Variants in ATRNL1 observed in about 807,000 individuals in gnomAD.
ATRNL1 encodes the protein attractin like 1.
In ATRNL1, 95 loss-of-function variants were observed where a neutral mutation model predicts 182.7. The observed-to-expected ratio is 0.52, with a 90% CI of 0.44 to 0.62. ATRNL1 has a LOEUF of 0.62. Ranked by LOEUF, ATRNL1 falls within the 20% of genes least tolerant of loss-of-function variation. The pLI is 0.00. For missense variants in ATRNL1, 1,471 were observed against 1,679.5 expected, an observed-to-expected ratio of 0.88 and a Z score of 2.17; for synonymous variants, 576 against 568.3, an observed-to-expected ratio of 1.01 and a Z score of -0.19.
intron 18 of ATRNL1, among the ~76,000 whole-genome samples, chr10:115,318,813 C>T (rs1854437637): frequency 6.6e-6 from 1 of 151,630 alleles, no homozygotes; most frequent in African/African-American, 2.4e-5. Context: ...CTAGCATTCT[C>T]TCTATTTTCT....
At chr10:115,500,667 G>A (rs1471854044) in intron 24 of ATRNL1, among the ~76,000 whole-genome samples, 1 of 151,062 alleles carries the variant, frequency 6.6e-6, no homozygotes, top group Admixed American at 6.6e-5. Context: ...CCAGCCTCCT[G>A]AGTAGCTGGG....
intron 8 of ATRNL1, among the ~76,000 whole-genome samples, chr10:115,196,252 A>G (rs1276442661): frequency 2.6e-5 from 4 of 152,102 alleles, no homozygotes; most frequent in African/African-American, 7.2e-5. Context: ...AGAAAAATCA[A>G]TTGGCCATAT....
At chr10:115,448,195 A>G (rs2134472175) in intron 21 of ATRNL1, among the ~76,000 whole-genome samples, 1 of 152,230 alleles carries the variant, frequency 6.6e-6, no homozygotes, top group East Asian at 1.9e-4. Flanking sequence ...CTCATAGTCT[A>G]TGACTTGGCT....
At chr10:115,519,059 G>A (rs11197261) in intron 24 of ATRNL1, among the ~76,000 whole-genome samples, 51,081 of 151,516 alleles carry the variant, frequency 0.34, 10,128 homozygotes, top group Middle Eastern at 0.46. Context: ...ATTTAATGTC[G>A]TATTCTACAC....
intron 19 of ATRNL1, among the ~76,000 whole-genome samples, chr10:115,362,782 G>C (rs552814523): frequency 6.6e-6 from 1 of 151,256 alleles, no homozygotes; most frequent in Non-Finnish European, 1.5e-5. Flanking sequence ...TTGGTTTTTT[G>C]TTCTTGCGAT....
At chr10:115,770,316 T>A (rs1948958028) in intron 27 of ATRNL1, among the ~76,000 whole-genome samples, 1 of 152,076 alleles carries the variant, frequency 6.6e-6, no homozygotes, top group Non-Finnish European at 1.5e-5. Flanking sequence ...AAAAATGGCA[T>A]ACTAAGCAAT....
At position 115,147,271 on chromosome 10, in the gene ATRNL1, C is replaced by G. The variant is rs377754799; in HGVS notation, c.830-12769C>G. On this transcript the variant is annotated intron_variant, in intron 5 of 28. Transcript: ENST00000355044. ...TACCTGTTGGCCATTTGTAAGTCTT[C>G]TTTTGAGAAATGACTTCATGATCTT... Among the ~76,000 whole-genome samples, 24 of 152,158 alleles carry G rather than the reference C, an allele frequency of 1.6e-4. No individual in the cohort carries two copies. The East Asian group carries it at 4.3e-3, about 27-fold the overall frequency.
intron 19 of ATRNL1, among the ~76,000 whole-genome samples, chr10:115,353,011 A>G (rs1856335286): frequency 6.6e-6 from 1 of 152,208 alleles, no homozygotes; most frequent in South Asian, 2.1e-4. Flanking sequence ...AGAATATTCC[A>G]TGTGCTAATG....
intron 21 of ATRNL1, among the ~76,000 whole-genome samples, chr10:115,436,221 A>C (rs1446663057): frequency 6.6e-6 from 1 of 152,146 alleles, no homozygotes; most frequent in African/African-American, 2.4e-5. Context: ...ATAGATGACC[A>C]TTCATCATTG....
intron 24 of ATRNL1, among the ~76,000 whole-genome samples, chr10:115,512,397 A>G (rs1850428512): frequency 6.6e-6 from 1 of 151,890 alleles, no homozygotes; most frequent in African/African-American, 2.4e-5. Flanking sequence ...TAACATCTGT[A>G]CCTTCTTCCT....
intron 24 of ATRNL1, among the ~76,000 whole-genome samples, chr10:115,498,372 T>G (rs1022922379): frequency 1.3e-5 from 2 of 152,136 alleles, no homozygotes; most frequent in Admixed American, 1.3e-4. Flanking sequence ...TAAGATTTCA[T>G]TTTTTAAAAA....
intron 27 of ATRNL1, among the ~76,000 whole-genome samples, chr10:115,775,604 A>T (rs1949103028): frequency 6.6e-6 from 1 of 152,210 alleles, no homozygotes; most frequent in African/African-American, 2.4e-5. Context: ...AATCTTAAGG[A>T]GTCAGTGCAA....
At chr10:115,568,821 A>G (rs1476684260) in intron 26 of ATRNL1, among the ~76,000 whole-genome samples, 2 of 151,996 alleles carry the variant, frequency 1.3e-5, no homozygotes, top group Admixed American at 1.3e-4. Flanking sequence ...CCTAGTCCAC[A>G]CTTTCCCTCC....
chr10:115,256,176 C>G (rs1554906844), intron 10 of ATRNL1, among the ~76,000 whole-genome samples: 3 of 152,182 alleles, frequency 2.0e-5, no homozygotes, highest in Non-Finnish European at 4.4e-5. Context: ...AGGATTCCCT[C>G]TTTTTCTATT....
At chr10:115,302,156 T>C (rs560083984) in intron 17 of ATRNL1, 113 bp downstream of exon 17, 2 of 1,055,844 alleles carry the variant, frequency 1.9e-6, no homozygotes, top group Admixed American at 2.8e-5. Context: ...GAAAAAATAT[T>C]GTTACGGCTA....
chr10:115,523,577 A>C (rs73373335), intron 25 of ATRNL1, among the ~76,000 whole-genome samples: 1 of 152,162 alleles, frequency 6.6e-6, no homozygotes. Context: ...AAGCAGCCAC[A>C]TTACTTCTTG....
At chr10:115,830,408 G>T (rs112039421) in intron 27 of ATRNL1, among the ~76,000 whole-genome samples, 14 of 152,216 alleles carry the variant, frequency 9.2e-5, no homozygotes, top group African/African-American at 3.4e-4. Flanking sequence ...ATCTGGCATG[G>T]CTACAGTATC....
At chr10:115,197,177 A>G (rs1242190760) in intron 8 of ATRNL1, among the ~76,000 whole-genome samples, 2 of 151,858 alleles carry the variant, frequency 1.3e-5, no homozygotes, top group East Asian at 1.9e-4. Flanking sequence ...GGTGAATGGT[A>G]TTGATTGACT....
chr10:115,540,148 A>T (rs146280819), intron 25 of ATRNL1, among the ~76,000 whole-genome samples: 4,604 of 150,702 alleles, frequency 0.031, 101 homozygotes, highest in East Asian at 0.12. Flanking sequence ...TAAATAAATA[A>T]ATAAATATAT....
Sources: allele counts gnomAD v4.1 joint callset (sites outside exome capture counted in the v4.1 genomes callset), GRCh38; gene constraint gnomAD v4.1.1; transcripts MANE v1.5; gene names NCBI Gene and HGNC (gene_info 2026-07-23, HGNC 2026-07-21).